CMPK1: variants seen among roughly 807,000 people sequenced by gnomAD.
The protein encoded by CMPK1 is cytidine/uridine monophosphate kinase 1, also known as UMP-CMP kinase.
A neutral mutation model predicts 25.7 loss-of-function variants in CMPK1; 10 were observed. The observed-to-expected ratio is 0.39, with a 90% CI of 0.24 to 0.66. The LOEUF is 0.66. CMPK1 is among the 30% of genes least tolerant of loss of function. The probability of loss-of-function intolerance (pLI) is 0.48; values close to 1 mark genes in which losing one functional copy is unlikely to be tolerated. For missense variants in CMPK1, 199 were observed against 280.5 expected (o/e 0.71, Z 2.08); for synonymous variants, 106 against 101.5 (o/e 1.04, Z -0.27).
chr1:47,354,257 A>T (rs1215239787), intron 1 of CMPK1, among the ~76,000 whole-genome samples: 1 of 152,162 alleles, frequency 6.6e-6, no homozygotes, highest in African/African-American at 2.4e-5. Flanking sequence ...TGAGCCCAGG[A>T]GGTAAAGGCT....
intron 3 of CMPK1, among the ~76,000 whole-genome samples, chr1:47,373,964 G>A (rs912643919): frequency 1.3e-5 from 2 of 152,186 alleles, no homozygotes; most frequent in Non-Finnish European, 1.5e-5. Flanking sequence ...TAATTAAAAA[G>A]CCTGAAGTAG....
At chr1:47,364,031 G>C (rs923399423) in intron 1 of CMPK1, among the ~76,000 whole-genome samples, 1 of 152,104 alleles carries the variant, frequency 6.6e-6, no homozygotes, top group African/African-American at 2.4e-5. Context: ...GTTTGCAGCA[G>C]GTACCAGACT....
chr1:47,370,330 T>A (rs1255218428), intron 2 of CMPK1, among the ~76,000 whole-genome samples: 1 of 151,736 alleles, frequency 6.6e-6, no homozygotes, highest in Non-Finnish European at 1.5e-5. Context: ...CTTAAGAACT[T>A]TTAAAACTAA....
intron 1 of CMPK1, 53 bp from the exon 2 acceptor site, chr1:47,368,416 C>A: frequency 6.8e-7 from 1 of 1,470,424 alleles, no homozygotes; most frequent in African/African-American, 1.4e-5. Flanking sequence ...AAGTATAGTC[C>A]TACCACTGGG....
intron 1 of CMPK1, among the ~76,000 whole-genome samples, chr1:47,352,017 AT>A (rs1230272716): frequency 4.6e-5 from 7 of 152,084 alleles, no homozygotes; most frequent in Admixed American, 1.3e-4. Flanking sequence ...CACATCCGTA[AT>A]CCCAGCTACT....
chr1:47,368,246 G>A (rs61784776), intron 1 of CMPK1, among the ~76,000 whole-genome samples: 16,556 of 152,050 alleles, frequency 0.11, 1,265 homozygotes, highest in Non-Finnish European at 0.16. Context: ...GCCCAGCCAG[G>A]ATATATTTAT....
chr1:47,359,545 G>A (rs943257327), intron 1 of CMPK1, among the ~76,000 whole-genome samples: 2 of 150,888 alleles, frequency 1.3e-5, no homozygotes, highest in African/African-American at 2.5e-5. Context: ...CCGCCACCAC[G>A]CCTGGCTAAT....
intron 1 of CMPK1, among the ~76,000 whole-genome samples, chr1:47,340,701 G>T (rs1449994942): frequency 6.6e-6 from 1 of 151,986 alleles, no homozygotes; most frequent in Admixed American, 6.6e-5. Context: ...GCAGTGGCAC[G>T]ATCTTGGCTC....
chr1:47,349,621 C>G (rs1646507792), intron 1 of CMPK1, among the ~76,000 whole-genome samples: 1 of 152,138 alleles, frequency 6.6e-6, no homozygotes. Flanking sequence ...TAGAACTTCA[C>G]AGTGGTAACA....
chr1:47,374,894 T>C lies in CMPK1; in HGVS notation c.472-15T>C, dbSNP rs768321296. The stretch of plus-strand genomic sequence containing the variant: ...TTCATATCTATATTTTTAATAACTT[T>C]GTATCTCTTTTTAGATTTGTATTGA... On this transcript the variant is annotated splice_polypyrimidine_tract_variant and intron_variant, in intron 3 of 5. Coordinates refer to ENST00000371873, the MANE Select transcript of CMPK1 (RefSeq NM_016308.3). The C allele has an allele frequency of 6.3e-7, 1 of 1,582,162 alleles. No homozygotes were observed. The highest frequency in any genetic ancestry group is 1.7e-5 in the Admixed American group (1 of 59,118).
intron 3 of CMPK1, chr1:47,373,325 TAAC>T (rs1646688883): frequency 5.7e-6 from 2 of 353,412 alleles, no homozygotes; most frequent in Non-Finnish European, 1.0e-5. Flanking sequence ...ATTTTCAAAA[TAAC>T]AAGAATCAGT....
At chr1:47,352,190 T>G in intron 1 of CMPK1, among the ~76,000 whole-genome samples, 1 of 152,316 alleles carries the variant, frequency 6.6e-6, no homozygotes, top group African/African-American at 2.4e-5. Flanking sequence ...GTTATATATC[T>G]TCTTATCGAG....
chr1:47,363,777 T>G (rs145424369), intron 1 of CMPK1, among the ~76,000 whole-genome samples: 2,451 of 151,964 alleles, frequency 0.016, 72 homozygotes, highest in African/African-American at 0.056. Flanking sequence ...ACCCCATCTC[T>G]GCTAAAAATA....
At chr1:47,357,995 G>A (rs183256329) in intron 1 of CMPK1, among the ~76,000 whole-genome samples, 321 of 151,296 alleles carry the variant, frequency 2.1e-3, no homozygotes, top group African/African-American at 7.5e-3. Flanking sequence ...CTCTATCGGC[G>A]TGTAATTTGT....
At chr1:47,356,023 T>A (rs974788826) in intron 1 of CMPK1, among the ~76,000 whole-genome samples, 7 of 152,234 alleles carry the variant, frequency 4.6e-5, no homozygotes, top group African/African-American at 7.2e-5. Flanking sequence ...GTTCAAAAGT[T>A]TTTATTATTA....
intron 1 of CMPK1, among the ~76,000 whole-genome samples, chr1:47,340,052 C>T (rs1343970085): frequency 7.0e-6 from 1 of 143,190 alleles, no homozygotes; most frequent in Non-Finnish European, 1.5e-5. Flanking sequence ...CCTCCCCTCC[C>T]CTCCCCTCCC....
rs145593537 is a variant in CMPK1 at position 47,362,466 on chromosome 1, C to A, written c.172-6003C>A. ...CACAGGCATAAACCACCACGCCCAG[C>A]CTGGAGATGGAGTTTCACTCTTGTT... is the stretch of plus-strand genomic sequence containing the variant. On this transcript the variant is annotated intron_variant, in intron 1 of 5. Coordinates refer to ENST00000371873, the MANE Select transcript of CMPK1 (RefSeq NM_016308.3). Among the ~76,000 whole-genome samples the A allele has an allele frequency of 9.5e-4, 144 of 151,322 alleles. 4 individuals carry two copies. The East Asian group carries it at 0.026, about 27-fold the overall frequency.
intron 3 of CMPK1, 54 bp downstream of exon 3, chr1:47,373,161 A>G (rs1417503938): frequency 7.4e-6 from 11 of 1,492,050 alleles, no homozygotes; most frequent in African/African-American, 1.4e-5. Flanking sequence ...TTAGTCAACT[A>G]TTAGAAAAAA....
intron 1 of CMPK1, among the ~76,000 whole-genome samples, chr1:47,362,233 G>A (rs1261480120): frequency 2.1e-5 from 3 of 143,916 alleles, no homozygotes; most frequent in Non-Finnish European, 4.5e-5. Flanking sequence ...GCAGTGGCAC[G>A]ATCTTGGCTC....
Sources: allele counts gnomAD v4.1 joint callset (sites outside exome capture counted in the v4.1 genomes callset), GRCh38; gene constraint gnomAD v4.1.1; transcripts MANE v1.5; gene names NCBI Gene and HGNC (gene_info 2026-07-23, HGNC 2026-07-21).